Variants in HMGN3 observed in about 807,000 individuals in gnomAD.
The protein encoded by HMGN3 is high mobility group nucleosomal binding domain 3, also known as high mobility group nucleosome-binding domain-containing protein 3.
HMGN3 carries 6 observed loss-of-function variants against 18.8 expected under a neutral mutation model. The observed-to-expected ratio is 0.32, with a 90% CI of 0.18 to 0.63. The LOEUF is 0.63. Ranked by LOEUF, HMGN3 falls within the 30% of genes least tolerant of loss-of-function variation. The probability of loss-of-function intolerance (pLI) is 0.79; values close to 1 mark genes in which losing one functional copy is unlikely to be tolerated. For missense variants in HMGN3, 107 were observed against 114.2 expected, an observed-to-expected ratio of 0.94 and a Z score of 0.29; for synonymous variants, 40 against 36.5, an observed-to-expected ratio of 1.10 and a Z score of -0.35.
At chr6:79,204,137 T>G (rs1776287897) in intron 3 of HMGN3, among the ~76,000 whole-genome samples, 1 of 152,178 alleles carries the variant, frequency 6.6e-6, no homozygotes, top group Non-Finnish European at 1.5e-5. Context: ...GATTTCGAGT[T>G]CTGTTGCCAA....
At chr6:79,231,959 T>A (rs1279598752) in intron 1 of HMGN3, among the ~76,000 whole-genome samples, 1 of 152,206 alleles carries the variant, frequency 6.6e-6, no homozygotes, top group Non-Finnish European at 1.5e-5. Flanking sequence ...GGATTCCAGA[T>A]GTTTTCATTG....
At chr6:79,201,901 C>T in intron 5 of HMGN3, 162 bp downstream of exon 6, 3 of 984,690 alleles carry the variant, frequency 3.0e-6, no homozygotes, top group Non-Finnish European at 3.6e-6. Flanking sequence ...GAATATATTA[C>T]ACAAACACTT....
intron 1 of HMGN3, among the ~76,000 whole-genome samples, chr6:79,228,245 G>C (rs1432526312): frequency 1.1e-4 from 17 of 152,050 alleles, no homozygotes; most frequent in Non-Finnish European, 2.9e-5. Context: ...TTAAAAACAA[G>C]GGTATTTACT....
chr6:79,206,684 G>T (rs538959335), intron 3 of HMGN3, among the ~76,000 whole-genome samples: 1 of 152,326 alleles, frequency 6.6e-6, no homozygotes, highest in Admixed American at 6.5e-5. Context: ...CCCTACTGGG[G>T]AACTGCCTAG....
At chr6:79,201,567 A>G in exon 6 of HMGN3, 1 of 690,964 alleles carries the variant, frequency 1.4e-6, no homozygotes, top group Non-Finnish European at 2.5e-6. Flanking sequence ...ATCCTTATAT[A>G]TTTTCGTATG....
chr6:79,218,039 A>C (rs935802492), intron 1 of HMGN3, among the ~76,000 whole-genome samples: 2 of 152,258 alleles, frequency 1.3e-5, no homozygotes, highest in South Asian at 2.1e-4. Context: ...ATCATGGTCA[A>C]ATAAAAAGGT....
intron 1 of HMGN3, among the ~76,000 whole-genome samples, chr6:79,220,637 G>T (rs1371575784): frequency 6.6e-6 from 1 of 152,054 alleles, no homozygotes; most frequent in Non-Finnish European, 1.5e-5. Flanking sequence ...AGTAGAGATG[G>T]GGTTTCATCA....
chr6:79,211,011 CAAAAA>C (rs59749044), intron 2 of HMGN3, among the ~76,000 whole-genome samples: 222 of 89,716 alleles, frequency 2.5e-3, no homozygotes, highest in African/African-American at 9.0e-3. Flanking sequence ...GAAATTAATG[CAAAAA>C]AAAAAAAAAA....
chr6:79,211,392 G>C (rs1280168329), intron 2 of HMGN3, among the ~76,000 whole-genome samples: 1 of 151,284 alleles, frequency 6.6e-6, no homozygotes, highest in African/African-American at 2.4e-5. Context: ...ACTAACATGT[G>C]AAGTACTCAT....
chr6:79,234,373 G>C (rs1015646628), intron 1 of HMGN3, 173 bp downstream of exon 1: 1 of 510,756 alleles, frequency 2.0e-6, no homozygotes, highest in African/African-American at 3.3e-5. Context: ...GAGTGGGTAG[G>C]GGGGACAGAG....
chr6:79,220,395 G>T (rs796327608), intron 1 of HMGN3, among the ~76,000 whole-genome samples: 61 of 152,302 alleles, frequency 4.0e-4, no homozygotes, highest in African/African-American at 1.3e-3. Context: ...AATGACAAGT[G>T]ACAGAGGGAA....
chr6:79,204,004 G>T (rs1173557592), intron 3 of HMGN3, among the ~76,000 whole-genome samples: 2 of 152,232 alleles, frequency 1.3e-5, no homozygotes, highest in Non-Finnish European at 1.5e-5. Flanking sequence ...GAATTCAGTT[G>T]CACTGGCCTT....
intron 1 of HMGN3, 40 bp downstream of exon 1, chr6:79,234,506 A>T: frequency 6.2e-7 from 1 of 1,603,396 alleles, no homozygotes; most frequent in Non-Finnish European, 8.5e-7. Flanking sequence ...CTGTAAGCAG[A>T]ATTTGAAGGC....
intron 3 of HMGN3, among the ~76,000 whole-genome samples, chr6:79,206,612 T>C (rs189730954): frequency 7.2e-4 from 110 of 152,354 alleles, no homozygotes; most frequent in African/African-American, 2.5e-3. Flanking sequence ...AGGGTCCTCA[T>C]GGATAACCTC....
intron 2 of HMGN3, among the ~76,000 whole-genome samples, chr6:79,213,462 C>A (rs1334949898): frequency 7.6e-6 from 1 of 131,202 alleles, no homozygotes; most frequent in Non-Finnish European, 1.6e-5. Flanking sequence ...AACCCAAATG[C>A]TTTTGTTTTG....
intron 1 of HMGN3, among the ~76,000 whole-genome samples, chr6:79,224,236 G>A (rs1328959559): frequency 6.6e-6 from 1 of 152,112 alleles, no homozygotes; most frequent in Non-Finnish European, 1.5e-5. Context: ...TTCTAGGCTG[G>A]CTCAAAGTTC....
At chr6:79,220,742 C>T (rs1777239845) in intron 1 of HMGN3, among the ~76,000 whole-genome samples, 1 of 152,044 alleles carries the variant, frequency 6.6e-6, no homozygotes, top group Non-Finnish European at 1.5e-5. Flanking sequence ...CCACCACGCC[C>T]CACCACTTAT....
At chr6:79,233,077 C>A (rs1458992648) in intron 1 of HMGN3, among the ~76,000 whole-genome samples, 2 of 152,090 alleles carry the variant, frequency 1.3e-5, no homozygotes, top group African/African-American at 2.4e-5. Context: ...TAAGTGAGTA[C>A]GAAATGGGTG....
chr6:79,216,525 C>T (rs1234978996), intron 1 of HMGN3, among the ~76,000 whole-genome samples: 1 of 152,172 alleles, frequency 6.6e-6, no homozygotes, highest in East Asian at 1.9e-4. Flanking sequence ...TAGAGCTGCC[C>T]GTTACCCAGA....
Sources: gnomAD v4.1 joint callset for allele counts (sites outside exome capture counted in the v4.1 genomes callset) on GRCh38, gnomAD v4.1.1 for gene constraint, MANE v1.5 for transcripts, NCBI Gene and HGNC (gene_info 2026-07-23, HGNC 2026-07-21) for gene names.